Variants in URB1 observed in about 807,000 individuals in gnomAD.
The protein encoded by URB1 is nucleolar pre-ribosomal-associated protein 1.
A neutral mutation model predicts 242.3 loss-of-function variants in URB1; 197 were observed. That is an observed-to-expected ratio of 0.81 (90% CI 0.72 to 0.91). The LOEUF (loss-of-function observed/expected upper bound fraction) is 0.91, where lower values mean the gene tolerates loss of function less well. URB1 is among the 40% of genes least tolerant of loss of function. The probability of loss-of-function intolerance (pLI) is 0.00; values close to 1 mark genes in which losing one functional copy is unlikely to be tolerated. For missense variants in URB1, 2,721 were observed against 2,860.5 expected, an observed-to-expected ratio of 0.95 and a Z score of 1.11; for synonymous variants, 1,153 against 1,201.8, an observed-to-expected ratio of 0.96 and a Z score of 0.84.
rs986927954 is a variant in URB1 at position 32,316,103 on chromosome 21, G to A, written c.6634+363C>T. On this transcript the variant is annotated intron_variant, in intron 38 of 38. Coordinates refer to ENST00000382751, the MANE Select transcript of URB1 (RefSeq NM_014825.3). ...TGCGCACACATGCAAGCATACGCACGCACGCGCACACACAGCTGGCCACAT... is the reference window on the plus strand; with the variant it reads ...TGCGCACACATGCAAGCATACGCACACACGCGCACACACAGCTGGCCACAT... 3.3e-5 allele frequency among the ~76,000 whole-genome samples: 5 copies of A among 152,332 alleles called. No homozygotes were observed. In the South Asian group the frequency reaches 1.0e-3, roughly 32 times the overall value.
Position 32,319,293 on chromosome 21 carries a change from C to A in URB1, c.5716G>T (p.Glu1906Ter). Residue 1906 changes from glutamate to a stop codon, truncating the protein, a stop_gained, in exon 36 of 39, where the codon GAG (glutamate) becomes TAG (stop). Coordinates refer to ENST00000382751, the MANE Select transcript of URB1 (RefSeq NM_014825.3). LOFTEE classifies it high-confidence loss of function. ...SQRLCQPSSQ[E>*]PAKRLALHLV... Reference sequence around the variant, plus strand: ...TGCAGGGCAAGCCGCTTGGCAGGCTCCTGGGAGCTAGGCTGGCAAAGGCGC... The same window carrying A: ...TGCAGGGCAAGCCGCTTGGCAGGCTACTGGGAGCTAGGCTGGCAAAGGCGC... The A allele has an allele frequency of 1.3e-6, 2 of 1,551,298 alleles. No individual in the cohort carries two copies. The highest frequency in any genetic ancestry group is 1.7e-6 in the Non-Finnish European group (2 of 1,146,802).
chr21:32,382,529 T>C (rs2033537897), intron 4 of URB1, among the ~76,000 whole-genome samples: 1 of 152,150 alleles, frequency 6.6e-6, no homozygotes, highest in Non-Finnish European at 1.5e-5. Flanking sequence ...AAACTCTTAG[T>C]TCCCAGGGAT....
intron 20 of URB1, 57 bp downstream of exon 20, chr21:32,350,647 G>C: frequency 6.5e-7 from 1 of 1,527,852 alleles, no homozygotes; most frequent in Non-Finnish European, 8.9e-7. Context: ...CTCAGAGAAG[G>C]CTTAGCTCTC....
intron 25 of URB1, 150 bp from the exon 26 acceptor site, chr21:32,339,050 A>C (rs147976470): frequency 3.4e-6 from 3 of 872,422 alleles, no homozygotes; most frequent in Non-Finnish European, 5.0e-6. Context: ...GCTGGAGTAC[A>C]GTGGTGCAAT....
intron 19 of URB1, 134 bp from the exon 20 acceptor site, chr21:32,351,056 G>C: frequency 1.1e-6 from 1 of 903,766 alleles, no homozygotes; most frequent in Non-Finnish European, 1.7e-6. Flanking sequence ...TAACGAATAC[G>C]GGACCGTGTG....
In URB1 at chr21:32,314,812, G is replaced by T; in HGVS notation, c.*106C>A. 6.7e-7 allele frequency: 1 copy of T among 1,484,088 alleles called. No homozygotes were observed. The highest frequency in any genetic ancestry group is 9.1e-7 in the Non-Finnish European group (1 of 1,101,480). 91.9% of individuals were successfully genotyped at this position (1,484,088 alleles called of 1,614,324 possible). Reference sequence around the variant, plus strand: ...ACTGAGCCAATGTACTGAACCTGTTGTTTCCCATGCCTTCTCTGGAAACCC... The same window carrying T: ...ACTGAGCCAATGTACTGAACCTGTTTTTTCCCATGCCTTCTCTGGAAACCC... On this transcript the variant is annotated 3_prime_UTR_variant, in exon 39 of 39. Coordinates refer to ENST00000382751, the MANE Select transcript of URB1 (RefSeq NM_014825.3).
At position 32,369,642 on chromosome 21, in the gene URB1, C is replaced by T. The variant is rs142658946; in HGVS notation, c.1002-1044G>A. Among the ~76,000 whole-genome samples the T allele has an allele frequency of 2.7e-3, 404 of 152,008 alleles. 2 individuals are homozygous for T. The highest frequency in any genetic ancestry group is 3.9e-3 in the Non-Finnish European group (268 of 67,978). On this transcript the variant is annotated intron_variant, in intron 8 of 38. Coordinates refer to ENST00000382751, the MANE Select transcript of URB1 (RefSeq NM_014825.3). ...ATCTGGAAATAAAGTTTTTTTTATACGAACTGCTCATGAGTTGCTGCATGG... is the reference window on the plus strand; with the variant it reads ...ATCTGGAAATAAAGTTTTTTTTATATGAACTGCTCATGAGTTGCTGCATGG...
At chr21:32,325,083 G>A in intron 31 of URB1, 146 bp downstream of exon 31, 1 of 1,085,780 alleles carries the variant, frequency 9.2e-7, no homozygotes, top group African/African-American at 1.6e-5. Flanking sequence ...TAAGGGAACA[G>A]ACTTTTGCTC....
chr21:32,318,232 G>C (rs927146434), intron 36 of URB1, among the ~76,000 whole-genome samples: 2 of 152,114 alleles, frequency 1.3e-5, no homozygotes, highest in African/African-American at 4.8e-5. Context: ...GCCTGCGAGG[G>C]CTCCACTCCA....
At chr21:32,378,615 C>CA (rs2033486767) in intron 4 of URB1, 74 bp from the exon 5 acceptor site, 1 of 1,204,152 alleles carries the variant, frequency 8.3e-7, no homozygotes, top group Non-Finnish European at 1.2e-6. Flanking sequence ...ACACAGTGGC[C>CA]AAGCACACCC....
At chr21:32,339,268 A>G (rs548866321) in intron 25 of URB1, among the ~76,000 whole-genome samples, 141 of 152,328 alleles carry the variant, frequency 9.3e-4, no homozygotes, top group Non-Finnish European at 1.0e-3. Context: ...TGCAGGGATT[A>G]CAGGCATGAG....
Position 32,344,764 on chromosome 21 carries a change from A to C in URB1, c.4071-8T>G. On this transcript the variant is annotated splice_region_variant and splice_polypyrimidine_tract_variant and intron_variant, in intron 23 of 38. Transcript: ENST00000382751. ...GAGTCGGCCACGATCCACCTGCAGC[A>C]GGAGATGAGAGTCAGAGACAGAGAG... The C allele has an allele frequency of 6.5e-7, 1 of 1,548,930 alleles. No individual in the cohort carries two copies.
intron 22 of URB1, 35 bp from the exon 23 acceptor site, chr21:32,345,610 C>A: frequency 6.7e-7 from 1 of 1,502,598 alleles, no homozygotes; most frequent in Non-Finnish European, 9.0e-7. Flanking sequence ...GTCATCACAC[C>A]CAATGGTGGG....
At chr21:32,362,788 T>C (rs1036014139) in intron 11 of URB1, among the ~76,000 whole-genome samples, 2 of 152,164 alleles carry the variant, frequency 1.3e-5, no homozygotes, top group Non-Finnish European at 2.9e-5. Flanking sequence ...GTGTGGTCTA[T>C]GTGTGTGCCT....
intron 38 of URB1, among the ~76,000 whole-genome samples, chr21:32,315,314 T>TA (rs66474832): frequency 0.015 from 2,094 of 136,446 alleles, 53 homozygotes; most frequent in African/African-American, 0.053. Flanking sequence ...TTCTTTTCTT[T>TA]AAAAAAAAAA....
At chr21:32,381,678 G>A (rs977804302) in intron 4 of URB1, among the ~76,000 whole-genome samples, 3 of 152,222 alleles carry the variant, frequency 2.0e-5, no homozygotes, top group Non-Finnish European at 4.4e-5. Context: ...AATTATTAAT[G>A]TGTTAGGCGT....
At chr21:32,327,503 C>T (rs969464183) in intron 30 of URB1, among the ~76,000 whole-genome samples, 1 of 151,540 alleles carries the variant, frequency 6.6e-6, no homozygotes, top group Non-Finnish European at 1.5e-5. Flanking sequence ...CAATTGGTCA[C>T]CAGTAGACTT....
chr21:32,355,128 T>C (rs2033204589), intron 16 of URB1, 131 bp from the exon 17 acceptor site: 1 of 1,230,908 alleles, frequency 8.1e-7, no homozygotes, highest in Non-Finnish European at 1.1e-6. Flanking sequence ...AGTTTTACTA[T>C]GAAATTGGGC....
Position 32,338,749 on chromosome 21 carries a change from G to A in URB1, c.4468C>T (p.Leu1490=). Residue 1490 remains leucine (L), a synonymous_variant, in exon 26 of 39, where the codon CTG becomes TTG. Transcript: ENST00000382751. The part of the protein sequence containing the change: ...MQHSLFLPTL[L]TSDGEESPDS... ...GGGCTCTCCTCTCCGTCAGACGTCA[G>A]TAGAGTCGGCAGAAACAGCGAGTGC... The A allele has an allele frequency of 6.4e-7, 1 of 1,551,694 alleles. No individual in the cohort carries two copies. The highest frequency in any genetic ancestry group is 8.7e-7 in the Non-Finnish European group (1 of 1,146,994).
Sources: allele counts gnomAD v4.1 joint callset (sites outside exome capture counted in the v4.1 genomes callset), GRCh38; gene constraint gnomAD v4.1.1; transcripts MANE v1.5; gene names NCBI Gene and HGNC (gene_info 2026-07-23, HGNC 2026-07-21).